The following CRHR2 variants were observed in gnomAD, a reference collection of about 807,000 sequenced individuals.
CRHR2 encodes the protein corticotropin-releasing hormone receptor 2.
A neutral mutation model predicts 57.9 loss-of-function variants in CRHR2; 53 were observed. That is an observed-to-expected ratio of 0.92 (90% confidence interval 0.73 to 1.15). The LOEUF is 1.15. Among genes scored for constraint, CRHR2 ranks in the 50% most tolerant of loss-of-function variants. The pLI is 0.00. For synonymous variants in CRHR2, 213 were observed against 220.9 expected (o/e 0.96, Z 0.32); for missense variants, 532 against 542.6 (o/e 0.98, Z 0.19).
chr7:30,655,416 A>G (rs1783744979), intron 10 of CRHR2, among the ~76,000 whole-genome samples, 164 bp downstream of exon 10: 1 of 152,168 alleles, frequency 6.6e-6, no homozygotes, highest in Admixed American at 6.5e-5. Context: ...TGGGATGGGG[A>G]TAACTGGCCA....
chr7:30,690,921 C>T (rs1197486582), intron 1 of CRHR2, among the ~76,000 whole-genome samples: 1 of 152,162 alleles, frequency 6.6e-6, no homozygotes, highest in Non-Finnish European at 1.5e-5. Flanking sequence ...CTGTGGGGGC[C>T]TCCTGAGCTG....
At position 30,665,525 on chromosome 7, in the gene CRHR2, C is replaced by G; in HGVS notation, c.425+5G>C. The G allele has an allele frequency of 6.4e-7, 1 of 1,555,086 alleles. No homozygotes were observed. Among genetic ancestry groups the G allele is most frequent in the Non-Finnish European group, 8.7e-7 (1 of 1,148,612 alleles). Reference sequence around the variant, plus strand: ...GGAGAAAGCAAGGCGGAAGGGCAGACTCACCGCAGGGCCAGGAAAAGCAGG... The same window carrying G: ...GGAGAAAGCAAGGCGGAAGGGCAGAGTCACCGCAGGGCCAGGAAAAGCAGG... On this transcript the variant is annotated splice_donor_5th_base_variant and intron_variant, in intron 4 of 11. Coordinates refer to ENST00000471646, the MANE Select transcript of CRHR2 (RefSeq NM_001883.5). This position sits in a 1 kb window ranked among gnomAD's most constrained non-coding sequence, Gnocchi z 4.5.
upstream of CRHR2, chr7:30,686,249 G>A (rs572777133): frequency 1.9e-4 from 224 of 1,210,620 alleles, no homozygotes; most frequent in Non-Finnish European, 2.3e-4. Context: ...TCACATCCAG[G>A]TTGCTTTTTA....
chr7:30,659,848 C>T (rs1266320933), intron 8 of CRHR2, among the ~76,000 whole-genome samples: 1 of 152,228 alleles, frequency 6.6e-6, no homozygotes, highest in African/African-American at 2.4e-5. Flanking sequence ...GAAGCTGGTA[C>T]ATACAGGAGC....
At position 30,654,888 on chromosome 7, in the gene CRHR2, G is replaced by A. The variant is rs527389239; in HGVS notation, c.1095+151C>T. ...TCTAAACTGGCTCCAGCCCCTGTGA[G>A]AAGGATTCCTGTTCCCCTAAGGCCG... On this transcript the variant is annotated intron_variant, in intron 11 of 11. Transcript: ENST00000471646. The A allele has an allele frequency of 7.1e-6, 11 of 1,550,872 alleles. No homozygotes were observed. The Admixed American group carries it at 2.2e-4, about 30-fold the overall frequency.
In CRHR2 at chr7:30,655,661, C is replaced by A. The variant is rs368920464; in HGVS notation, c.972G>T (p.Met324Ile). The change falls in exon 10 of 12, where the codon ATG becomes ATT. Residue 324 changes from methionine to isoleucine, a missense_variant. Met to Ile is a conservative substitution (Grantham distance 10, BLOSUM62 1). Transcript: ENST00000471646. ...CCTCCCCGGGATTGACGAAGAAGAG[C>A]ATGTAGGTGATGCCCAGGAGGGGCA... is the stretch of plus-strand genomic sequence containing the variant. The part of the protein sequence containing the change: ...VLLPLLGITY[M>I]LFFVNPGEDD... 6.2e-7 allele frequency: 1 copy of A among 1,614,148 alleles called. No individual in the cohort carries two copies. The highest frequency in any genetic ancestry group is 2.2e-5 in the East Asian group (1 of 44,882).
rs769228837 is a variant in CRHR2, at chr7:30,682,223, C to T, written c.58G>A (p.Glu20Lys). The part of the protein sequence containing the change: ...LEANCSLALA[E>K]ELLLDGWGPP... The stretch of plus-strand genomic sequence containing the variant: ...CCCCAGCCGTCCAAGAGCAGCTCTT[C>T]AGCCAGCGCCAGGCTGCAGTTGGCC... The change falls in exon 1 of 12, where the codon GAA becomes AAA. Residue 20 changes from glutamate to lysine, a missense_variant. Transcript: ENST00000471646. 6.3e-7 allele frequency: 1 copy of T among 1,590,162 alleles called. No homozygotes were observed. Among genetic ancestry groups the T allele is most frequent in the Admixed American group, 1.7e-5 (1 of 59,354 alleles).
chr7:30,689,004 T>C, intron 2 of CRHR2: 1 of 673,440 alleles, frequency 1.5e-6, no homozygotes, highest in Non-Finnish European at 2.7e-6. Context: ...GTGGCAAGCC[T>C]GAGCCTAGAA....
At chr7:30,676,504 C>G (rs1471977867) in intron 2 of CRHR2, among the ~76,000 whole-genome samples, 1 of 152,194 alleles carries the variant, frequency 6.6e-6, no homozygotes, top group Non-Finnish European at 1.5e-5. Context: ...CTGCACTGCG[C>G]CTGTCCTTAA....
At position 30,655,634 on chromosome 7, in the gene CRHR2, G is replaced by A. The variant is rs775243184; in HGVS notation, c.999C>T (p.Asp333=). 27 of 1,614,034 alleles carry A rather than the reference G, an allele frequency of 1.7e-5. No individual in the cohort carries two copies. Among genetic ancestry groups the A allele is most frequent in the African/African-American group, 6.7e-5 (5 of 74,948 alleles). ...YMLFFVNPGE[D]DLSQIMFIYF... The stretch of plus-strand genomic sequence containing the variant: ...AGATGAACATGATCTGTGACAGGTC[G>A]TCCTCCCCGGGATTGACGAAGAAGA... The change falls in exon 10 of 12, where the codon GAC becomes GAT. Residue 333 remains aspartate, a synonymous_variant. Coordinates refer to ENST00000471646, the MANE Select transcript of CRHR2 (RefSeq NM_001883.5).
At chr7:30,667,052 C>T (rs765426923) in intron 3 of CRHR2, among the ~76,000 whole-genome samples, 176 bp downstream of exon 3, 7 of 152,244 alleles carry the variant, frequency 4.6e-5, no homozygotes, top group Non-Finnish European at 8.8e-5. Flanking sequence ...CCCTTCTCTA[C>T]TCCCCTACAG....
intron 1 of CRHR2, among the ~76,000 whole-genome samples, chr7:30,698,836 C>A (rs1468285051): frequency 6.6e-6 from 1 of 152,232 alleles, no homozygotes; most frequent in Admixed American, 6.5e-5. Flanking sequence ...TTCCTCACAA[C>A]AAGCTTGTTC....
In CRHR2 at chr7:30,665,457, A is replaced by C. The variant is rs1005144178; in HGVS notation, c.425+73T>G. On this transcript the variant is annotated intron_variant, in intron 4 of 11. Transcript: ENST00000471646. The surrounding 1 kb of genome is among the most constrained non-coding windows in gnomAD (Gnocchi z 4.5). ...GCTGGGCCCCAGAATGGAGGTGAGA[A>C]TGTCTGGGAGAGGTGAAGGGGGTGC... is the stretch of plus-strand genomic sequence containing the variant. 16 of 1,281,648 alleles carry C rather than the reference A, an allele frequency of 1.2e-5. No homozygotes were observed. The highest frequency in any genetic ancestry group is 4.1e-5 in the Admixed American group (2 of 48,860). The allele number at this position is 1,281,648 out of a possible 1,614,324, so 79.4% of individuals were successfully genotyped here.
chr7:30,689,184 T>C, intron 2 of CRHR2: 1 of 1,547,850 alleles, frequency 6.5e-7, no homozygotes, highest in Non-Finnish European at 8.7e-7. Flanking sequence ...TGGCAGAGGG[T>C]ACCTACCTGA....
chr7:30,653,212 T>C lies in CRHR2; in HGVS notation c.*248A>G. 2.0e-6 allele frequency: 1 copy of C among 495,874 alleles called. No homozygotes were observed. Among genetic ancestry groups the C allele is most frequent in the Non-Finnish European group, 3.6e-6 (1 of 281,060 alleles). The allele number at this position is 495,874 out of a possible 1,614,324, so 30.7% of individuals were successfully genotyped here. A position where few individuals can be genotyped will look rare whatever the true frequency, so the allele number is the denominator to read the frequency against. Reference sequence around the variant, plus strand: ...TGGGATGGGCAAATGCCTGCAGACATCTGACTGGCTCTTCTCAGGGGGTCC... The same window carrying C: ...TGGGATGGGCAAATGCCTGCAGACACCTGACTGGCTCTTCTCAGGGGGTCC... On this transcript the variant is annotated 3_prime_UTR_variant, in exon 12 of 12. Transcript: ENST00000471646. This position sits in a 1 kb window ranked among gnomAD's most constrained non-coding sequence, Gnocchi z 5.0.
intron 9 of CRHR2, 80 bp from the exon 10 acceptor site, chr7:30,655,795 G>C: frequency 6.3e-7 from 1 of 1,590,816 alleles, no homozygotes; most frequent in Non-Finnish European, 8.6e-7. Context: ...AGACAGTGGT[G>C]GTGTTTCTTC....
intron 1 of CRHR2, among the ~76,000 whole-genome samples, chr7:30,697,037 T>C (rs1230243981): frequency 1.3e-5 from 2 of 152,180 alleles, no homozygotes; most frequent in African/African-American, 4.8e-5. Flanking sequence ...GTTGAATTTT[T>C]GGGAAAAGTC....
chr7:30,694,607 G>T (rs2128151793), intron 1 of CRHR2, among the ~76,000 whole-genome samples: 1 of 152,282 alleles, frequency 6.6e-6, no homozygotes, highest in East Asian at 1.9e-4. Flanking sequence ...AGGGGAATGG[G>T]GTGAGCTCCC....
chr7:30,682,074 G>A (rs1318691699), intron 1 of CRHR2, 34 bp from the exon 2 acceptor site: 3 of 1,553,280 alleles, frequency 1.9e-6, no homozygotes, highest in African/African-American at 2.8e-5. Flanking sequence ...AGGGCTCAGA[G>A]GGGCCCGCAG....
Sources: gnomAD v4.1 joint callset for allele counts (sites outside exome capture counted in the v4.1 genomes callset) on GRCh38, gnomAD v4.1.1 for gene constraint, Gnocchi (gnomAD v3.1) non-coding constraint, MANE v1.5 for transcripts, NCBI Gene and HGNC (gene_info 2026-07-23, HGNC 2026-07-21) for gene names.